Variants in AGR3 observed in about 807,000 individuals in gnomAD.
The protein encoded by AGR3 is anterior gradient 3, protein disulphide isomerase family member.
In AGR3, 37 loss-of-function variants were observed where a neutral mutation model predicts 24.5. The ratio of observed to expected loss-of-function variants is 1.51; its 90% CI spans 1.16 to 1.99. The LOEUF is 1.99. AGR3 is among the 30% of genes most tolerant of loss of function. The pLI is 0.00. For missense variants in AGR3, 228 were observed against 191.1 expected (o/e 1.19, Z -1.14); for synonymous variants, 75 against 61.6 (o/e 1.22, Z -1.02).
chr7:16,863,848 T>C (rs1208310368), intron 3 of AGR3, among the ~76,000 whole-genome samples: 1 of 152,144 alleles, frequency 6.6e-6, no homozygotes, highest in African/African-American at 2.4e-5. Flanking sequence ...ACTTATTTGC[T>C]AAACATGCTT....
intron 3 of AGR3, among the ~76,000 whole-genome samples, chr7:16,866,982 C>T (rs1212372536): frequency 6.6e-6 from 1 of 152,064 alleles, no homozygotes; most frequent in African/African-American, 2.4e-5. Context: ...TTTGGCTATG[C>T]TCAAGCCTAG....
intron 6 of AGR3, 65 bp from the exon 7 acceptor site, chr7:16,860,648 A>G: frequency 8.9e-7 from 1 of 1,119,070 alleles, no homozygotes; most frequent in Non-Finnish European, 1.3e-6. Context: ...ACTCTTGTAA[A>G]AACTTAATTA....
rs1250536686 is a variant in AGR3 at position 16,859,628 on chromosome 7, A to G, written c.455T>C (p.Ile152Thr). 5.3e-6 allele frequency: 8 copies of G among 1,508,508 alleles called. No homozygotes were observed. The highest frequency in any genetic ancestry group is 2.3e-5 in the South Asian group (2 of 85,346). 93.4% of individuals were successfully genotyped at this position (1,508,508 alleles called of 1,614,324 possible). ...TCTTAATGCTTTCTTCATGTTTTCT[A>G]TCACTGAAATAAGAGTTAATATATA... ...TYEPRDLPLL[I>T]ENMKKALRLI... The change falls in exon 8 of 8, where the codon ATA becomes ACA. Residue 152 changes from isoleucine to threonine, a missense_variant. Ile to Thr is a moderately conservative substitution (Grantham distance 89). Coordinates refer to ENST00000310398, the MANE Select transcript of AGR3 (RefSeq NM_176813.5).
At chr7:16,856,833 A>G (rs1040793243), downstream of AGR3, among the ~76,000 whole-genome samples, 3 of 149,600 alleles carry the variant, frequency 2.0e-5, no homozygotes, top group Admixed American at 6.6e-5. Flanking sequence ...ACACACCTAT[A>G]TGTATACACA....
chr7:16,880,082 T>TTCCCCTTCCTTCC (rs1782076807), intron 1 of AGR3, among the ~76,000 whole-genome samples: 1 of 134,422 alleles, frequency 7.4e-6, no homozygotes, highest in Admixed American at 7.2e-5. Context: ...CCCTTCCTTC[T>TTCCCCTTCCTTCC]TTCCCCTTCC....
At chr7:16,881,836 T>C (rs1030635213) in intron 1 of AGR3, 108 bp downstream of exon 1, 11 of 410,222 alleles carry the variant, frequency 2.7e-5, no homozygotes, top group Non-Finnish European at 5.0e-5. Flanking sequence ...TTCATTTCAC[T>C]TTCCTACCCT....
intron 3 of AGR3, chr7:16,865,563 A>G: frequency 2.9e-6 from 2 of 701,602 alleles, no homozygotes; most frequent in Non-Finnish European, 2.6e-6. Flanking sequence ...ATATCGACCA[A>G]TCTTCACATA....
intron 3 of AGR3, among the ~76,000 whole-genome samples, chr7:16,863,856 CT>C (rs200839764): frequency 1.4e-4 from 21 of 150,796 alleles, no homozygotes; most frequent in Admixed American, 2.6e-4. Context: ...GCTAAACATG[CT>C]TTTTTTTTAA....
At chr7:16,871,214 C>G (rs889869951) in intron 3 of AGR3, among the ~76,000 whole-genome samples, 3 of 152,106 alleles carry the variant, frequency 2.0e-5, no homozygotes, top group Admixed American at 2.0e-4. Context: ...TGTATACTGC[C>G]TAATAAATAA....
chr7:16,869,738 C>T (rs1369895172), intron 3 of AGR3, among the ~76,000 whole-genome samples: 1 of 148,482 alleles, frequency 6.7e-6, no homozygotes, highest in Non-Finnish European at 1.5e-5. Context: ...TTGAGTCACT[C>T]TATGTCTTTT....
chr7:16,874,362 T>C (rs1294555718), intron 2 of AGR3, among the ~76,000 whole-genome samples: 2 of 152,086 alleles, frequency 1.3e-5, no homozygotes, highest in Non-Finnish European at 2.9e-5. Context: ...GGGAATTTCA[T>C]GGCCAAGAGA....
At chr7:16,860,063 C>T (rs986780050) in intron 7 of AGR3, among the ~76,000 whole-genome samples, 1 of 150,218 alleles carries the variant, frequency 6.7e-6, no homozygotes, top group African/African-American at 2.5e-5. Flanking sequence ...TGAGACCAGC[C>T]TGGGCAACAT....
At chr7:16,881,922 T>C (rs1239383127) in intron 1 of AGR3, 22 bp downstream of exon 1, 2 of 471,076 alleles carry the variant, frequency 4.2e-6, no homozygotes, top group Admixed American at 4.7e-5. Context: ...GATTAAGTAA[T>C]CTGGAAAATT....
intron 3 of AGR3, chr7:16,865,089 T>C: frequency 1.3e-6 from 1 of 758,360 alleles, no homozygotes; most frequent in Admixed American, 2.0e-5. Flanking sequence ...AGATGCTCTT[T>C]TACTGTATAA....
chr7:16,855,507 T>G (rs1475062286), downstream of AGR3, among the ~76,000 whole-genome samples: 2 of 152,178 alleles, frequency 1.3e-5, no homozygotes, highest in Non-Finnish European at 2.9e-5. Flanking sequence ...GTGGGTGCTC[T>G]CCACAATTCT....
At chr7:16,868,586 C>T (rs1781805676) in intron 3 of AGR3, among the ~76,000 whole-genome samples, 1 of 151,964 alleles carries the variant, frequency 6.6e-6, no homozygotes, top group Admixed American at 6.6e-5. Flanking sequence ...CATATATTGT[C>T]TTCTATTCTG....
chr7:16,861,849 C>T (rs1250287857), intron 5 of AGR3, 135 bp downstream of exon 5: 12 of 731,882 alleles, frequency 1.6e-5, no homozygotes, highest in African/African-American at 7.3e-5. Context: ...TGCTGTGAGC[C>T]CAGATTACGC....
chr7:16,858,479 C>T (rs546487476), downstream of AGR3, among the ~76,000 whole-genome samples: 1 of 152,222 alleles, frequency 6.6e-6, no homozygotes, highest in South Asian at 2.1e-4. Flanking sequence ...AAATATAATC[C>T]TTTCCTACCA....
downstream of AGR3, among the ~76,000 whole-genome samples, chr7:16,856,814 TACACACACACAC>T (rs909600537): frequency 6.8e-6 from 1 of 148,072 alleles, no homozygotes; most frequent in Admixed American, 6.8e-5. Flanking sequence ...CACACACACA[TACACACACACAC>T]ACCTATATGT....
Sources: gnomAD v4.1 joint callset for allele counts (sites outside exome capture counted in the v4.1 genomes callset) on GRCh38, gnomAD v4.1.1 for gene constraint, MANE v1.5 for transcripts, NCBI Gene and HGNC (gene_info 2026-07-23, HGNC 2026-07-21) for gene names.